CXADR: variants seen among roughly 807,000 people sequenced by gnomAD.
The protein encoded by CXADR is coxsackievirus and adenovirus receptor.
CXADR carries 20 observed loss-of-function variants against 40.3 expected under a neutral mutation model. The observed-to-expected ratio is 0.50, with a 90% CI of 0.35 to 0.72. CXADR has a LOEUF of 0.72. Ranked by LOEUF, CXADR falls within the 30% of genes least tolerant of loss-of-function variation. CXADR has a pLI of 0.01. For missense variants in CXADR, 332 were observed against 449.1 expected (o/e 0.74, Z 2.36); for synonymous variants, 150 against 161.3 (o/e 0.93, Z 0.53).
chr21:17,526,583 G>C (rs547443086), intron 1 of CXADR, among the ~76,000 whole-genome samples: 5 of 152,304 alleles, frequency 3.3e-5, no homozygotes, highest in African/African-American at 1.2e-4. Flanking sequence ...GGTTGCTGGG[G>C]AAATTTGAAT....
At chr21:17,620,596 G>C in the CXADR span, among the ~76,000 whole-genome samples, 1 of 152,032 alleles carries the variant, frequency 6.6e-6, no homozygotes, top group Non-Finnish European at 1.5e-5. Flanking sequence ...ACACTTGCTT[G>C]ACACAAGATT....
intron 7 of CXADR, among the ~76,000 whole-genome samples, chr21:17,590,707 C>T (rs953702092): frequency 1.3e-5 from 2 of 151,874 alleles, no homozygotes; most frequent in Non-Finnish European, 2.9e-5. Context: ...AGTTTACTAA[C>T]GTTGTACACT....
Position 17,567,959 on chromosome 21 carries a change from A to C in CXADR, c.*2267A>C, listed in dbSNP as rs1310096447. ...TTTAAAGGCTTATGTCTCACTGTAA[A>C]ATTCTGTCAGCCAAATAGTACCAAT... On this transcript the variant is annotated 3_prime_UTR_variant, in exon 7 of 7. Transcript: ENST00000284878. The C allele has an allele frequency of 7.1e-6, 7 of 984,738 alleles. No homozygotes were observed. Among genetic ancestry groups the C allele is most frequent in the Non-Finnish European group, 8.4e-6 (7 of 829,620 alleles). 61.0% of individuals were successfully genotyped at this position (984,738 alleles called of 1,614,324 possible).
At chr21:17,532,193 A>G (rs2060687234) in intron 1 of CXADR, among the ~76,000 whole-genome samples, 2 of 152,008 alleles carry the variant, frequency 1.3e-5, no homozygotes, top group African/African-American at 2.4e-5. Context: ...CCAACCTCCC[A>G]AAGTGTTGCT....
chr21:17,619,596 CAA>C, the CXADR span, among the ~76,000 whole-genome samples: 11 of 134,790 alleles, frequency 8.2e-5, no homozygotes, highest in African/African-American at 1.1e-4. Flanking sequence ...GGCTCTGTTT[CAA>C]AAAAAAAAAA....
At chr21:17,612,229 T>C in the CXADR span, 5 of 152,180 alleles carry the variant, frequency 3.3e-5, no homozygotes, top group African/African-American at 1.2e-4. Flanking sequence ...GACAACATCC[T>C]CGCCAGGGTG....
chr21:17,574,208 C>T (rs1189807666), downstream of CXADR, among the ~76,000 whole-genome samples: 3 of 152,192 alleles, frequency 2.0e-5, no homozygotes, highest in African/African-American at 7.2e-5. Context: ...AAGGCATTAA[C>T]TGATTGCTTC....
intron 7 of CXADR, among the ~76,000 whole-genome samples, chr21:17,585,114 T>A (rs1393590721): frequency 6.6e-6 from 1 of 152,242 alleles, no homozygotes; most frequent in African/African-American, 2.4e-5. Flanking sequence ...ATTTTTTATG[T>A]GTGAATTCAT....
At chr21:17,532,850 T>C (rs1309637347) in intron 1 of CXADR, among the ~76,000 whole-genome samples, 1 of 152,164 alleles carries the variant, frequency 6.6e-6, no homozygotes, top group African/African-American at 2.4e-5. Flanking sequence ...TAATCTTCAT[T>C]TTAGAGAGGA....
At chr21:17,583,854 C>T (rs1482261596) in intron 7 of CXADR, among the ~76,000 whole-genome samples, 2 of 152,140 alleles carry the variant, frequency 1.3e-5, no homozygotes, top group Non-Finnish European at 2.9e-5. Context: ...ATGATCTGGT[C>T]CCATCTCTGT....
intron 1 of CXADR, among the ~76,000 whole-genome samples, chr21:17,541,227 G>C (rs2060823115): frequency 6.6e-6 from 1 of 152,074 alleles, no homozygotes; most frequent in Non-Finnish European, 1.5e-5. Flanking sequence ...CACCATTATA[G>C]TATTACACAG....
At chr21:17,534,019 T>TATATATAGCTATATATATATATATACAC (rs1356079376) in intron 1 of CXADR, among the ~76,000 whole-genome samples, 23,168 of 79,214 alleles carry the variant, frequency 0.29, 4,699 homozygotes, top group Non-Finnish European at 0.45. Context: ...TATATATATA[T>TATATATAGCTATATATATATATATACAC]ATATATATAG....
At chr21:17,600,727 C>CA in the CXADR span, among the ~76,000 whole-genome samples, 2 of 152,116 alleles carry the variant, frequency 1.3e-5, no homozygotes. Flanking sequence ...ATCTAGCAGT[C>CA]TCAGAGATCA....
At chr21:17,594,129 A>T, downstream of CXADR, 3 of 1,613,196 alleles carry the variant, frequency 1.9e-6, no homozygotes, top group Non-Finnish European at 2.5e-6. Context: ...TAATCCAGTG[A>T]TTCCGGTCAC....
chr21:17,606,201 A>G, the CXADR span, among the ~76,000 whole-genome samples: 105 of 152,240 alleles, frequency 6.9e-4, no homozygotes, highest in African/African-American at 2.1e-3. Context: ...TGTGAGTTAG[A>G]TACTTTTTTC....
At chr21:17,617,539 A>G in the CXADR span, among the ~76,000 whole-genome samples, 3 of 152,244 alleles carry the variant, frequency 2.0e-5, no homozygotes, top group Non-Finnish European at 2.9e-5. Context: ...CACCACAATT[A>G]AGTGAATATT....
downstream of CXADR, chr21:17,593,901 TC>T (rs2061467986): frequency 7.0e-6 from 5 of 710,094 alleles, no homozygotes; most frequent in Non-Finnish European, 8.6e-6. Flanking sequence ...ATAAAATTTC[TC>T]AAACTATATC....
intron 1 of CXADR, among the ~76,000 whole-genome samples, chr21:17,520,442 A>T (rs1021471484): frequency 6.6e-6 from 1 of 152,194 alleles, no homozygotes; most frequent in African/African-American, 2.4e-5. Flanking sequence ...CAAGTTTTAC[A>T]TGATGTCACT....
chr21:17,584,285 G>A lies in CXADR; in HGVS notation c.1018-8867G>A, dbSNP rs564747473. On this transcript the variant is annotated intron_variant, in intron 7 of 7. Coordinates refer to the CXADR transcript ENST00000400169. ...TAGTCCAGCGTTTGGCTGGTATGAA[G>A]CCATCAATAAATGATGATTTTTAAT... Among the ~76,000 whole-genome samples, 195 of 152,326 alleles carry A rather than the reference G, an allele frequency of 1.3e-3. 1 individual carries two copies. The highest frequency in any genetic ancestry group is 3.3e-3 in the Admixed American group (51 of 15,296).
Sources: gnomAD v4.1 joint callset for allele counts (sites outside exome capture counted in the v4.1 genomes callset) on GRCh38, gnomAD v4.1.1 for gene constraint, MANE v1.5 for transcripts, NCBI Gene and HGNC (gene_info 2026-07-23, HGNC 2026-07-21) for gene names.